The following ITPKB variants were observed in gnomAD, a reference collection of about 807,000 sequenced individuals.
ITPKB encodes the protein inositol-trisphosphate 3-kinase B.
Under a neutral mutation model 69.4 loss-of-function variants are expected in ITPKB, and 13 were observed. That is an observed-to-expected ratio of 0.19 (90% CI 0.12 to 0.30). The LOEUF (loss-of-function observed/expected upper bound fraction) is 0.30, where lower values mean the gene tolerates loss of function less well. Among genes scored for constraint, ITPKB ranks in the 10% least tolerant of loss-of-function variants. The probability of loss-of-function intolerance (pLI) is 1.00; values close to 1 mark genes in which losing one functional copy is unlikely to be tolerated. For synonymous variants in ITPKB, 584 were observed against 513.7 expected (o/e 1.14, Z -1.85); for missense variants, 1,240 against 1,250.5 (o/e 0.99, Z 0.13).
chr1:226,718,855 T>G (rs1657160205), intron 2 of ITPKB, among the ~76,000 whole-genome samples: 1 of 152,190 alleles, frequency 6.6e-6, no homozygotes, highest in Admixed American at 6.5e-5. Context: ...ACCCAGCAAC[T>G]GCACTCCTGA....
intron 2 of ITPKB, among the ~76,000 whole-genome samples, chr1:226,721,744 C>T (rs1657249113): frequency 6.6e-6 from 1 of 152,126 alleles, no homozygotes; most frequent in Non-Finnish European, 1.5e-5. Flanking sequence ...ATCCACCTGC[C>T]TCAGCCTCCC....
At chr1:226,684,748 G>A (rs1294056273) in intron 2 of ITPKB, among the ~76,000 whole-genome samples, 1 of 152,166 alleles carries the variant, frequency 6.6e-6, no homozygotes, top group African/African-American at 2.4e-5. Flanking sequence ...ACTCCAGAAG[G>A]TTAAGCAGTC....
At chr1:226,653,131 T>C (rs1009369161) in intron 2 of ITPKB, among the ~76,000 whole-genome samples, 4 of 152,204 alleles carry the variant, frequency 2.6e-5, no homozygotes. Flanking sequence ...CTTGTTCCTA[T>C]GTTCTAGTTA....
At position 226,647,296 on chromosome 1, in the gene ITPKB, T is replaced by A; in HGVS notation, c.2117A>T (p.Asp706Val). The change falls in exon 4 of 8, where the codon GAT becomes GTT. Residue 706 changes from aspartate to valine, a missense_variant. Asp to Val is a radical substitution (Grantham distance 152). This residue lies in a region of ITPKB where 248 missense variants were observed against 396.7 expected (regional missense o/e 0.63). Coordinates refer to ENST00000429204, the MANE Select transcript of ITPKB (RefSeq NM_002221.4). ...EQRCLDRLMV[D>V]VLRPFVPAYH... Reference sequence around the variant, plus strand: ...GGCAGGTACGAAGGGCCTCAGCACATCCACCATCAGCCGGTCCAGGCAGCG... The same window carrying A: ...GGCAGGTACGAAGGGCCTCAGCACAACCACCATCAGCCGGTCCAGGCAGCG... The A allele has an allele frequency of 6.2e-7, 1 of 1,614,188 alleles. No homozygotes were observed.
chr1:226,653,797 T>C (rs1669238124), intron 2 of ITPKB, among the ~76,000 whole-genome samples: 1 of 152,178 alleles, frequency 6.6e-6, no homozygotes, highest in Non-Finnish European at 1.5e-5. Context: ...GTCTTTCAGG[T>C]AACCCCCGGC....
chr1:226,632,582 C>G lies in ITPKB; in HGVS notation c.*2089G>C, dbSNP rs1668749465. 1 of 152,486 alleles carries G rather than the reference C, an allele frequency of 6.6e-6. No homozygotes were observed. The highest frequency in any genetic ancestry group is 2.1e-4 in the South Asian group (1 of 4,832). The allele number at this position is 152,486 out of a possible 1,614,324, so 9.4% of individuals were successfully genotyped here. On this transcript the variant is annotated 3_prime_UTR_variant, in exon 8 of 8. Coordinates refer to ENST00000429204, the MANE Select transcript of ITPKB (RefSeq NM_002221.4). ...AACCCTAAAATGATGCTACTTCATACTATGTTCACATATTTAATGTAACCC... is the reference window on the plus strand; with the variant it reads ...AACCCTAAAATGATGCTACTTCATAGTATGTTCACATATTTAATGTAACCC...
At chr1:226,650,075 G>T (rs1314525074) in intron 2 of ITPKB, among the ~76,000 whole-genome samples, 1 of 152,188 alleles carries the variant, frequency 6.6e-6, no homozygotes, top group African/African-American at 2.4e-5. Flanking sequence ...GGGTGGTACT[G>T]CCTGACAGGG....
intron 2 of ITPKB, among the ~76,000 whole-genome samples, chr1:226,696,697 C>G (rs1160318028): frequency 2.0e-5 from 3 of 152,188 alleles, no homozygotes; most frequent in Admixed American, 2.0e-4. Context: ...AATACGCACA[C>G]GCGCACACAC....
intron 2 of ITPKB, among the ~76,000 whole-genome samples, chr1:226,711,392 G>A (rs1367214527): frequency 6.7e-6 from 1 of 150,180 alleles, no homozygotes; most frequent in Non-Finnish European, 1.5e-5. Context: ...TCCAGCCCTA[G>A]AGGGTGTTTT....
At chr1:226,665,867 G>A (rs1348704719) in intron 2 of ITPKB, among the ~76,000 whole-genome samples, 1 of 152,198 alleles carries the variant, frequency 6.6e-6, no homozygotes, top group African/African-American at 2.4e-5. Flanking sequence ...AGACACTCAC[G>A]GAAGCACCTG....
rs561354602 is a variant in ITPKB, at chr1:226,726,687, T to C, written c.1932+8840A>G. 4.1e-5 allele frequency among the ~76,000 whole-genome samples: 6 copies of C among 145,630 alleles called. No individual in the cohort carries two copies. In the South Asian group the frequency reaches 1.3e-3, roughly 31 times the overall value. On this transcript the variant is annotated intron_variant, in intron 2 of 7. Transcript: ENST00000429204. ...TGAGACTCTGTCTCAAATTCATAAA[T>C]TTTTTTTTTTTGTAAAAGAAAAAGC... is the stretch of plus-strand genomic sequence containing the variant.
intron 2 of ITPKB, among the ~76,000 whole-genome samples, chr1:226,658,660 C>T (rs1312673220): frequency 6.6e-6 from 1 of 152,182 alleles, no homozygotes; most frequent in Non-Finnish European, 1.5e-5. Flanking sequence ...CTCCACCCGC[C>T]GTGTGATGTT....
intron 2 of ITPKB, among the ~76,000 whole-genome samples, chr1:226,692,791 C>T (rs1656388339): frequency 6.6e-6 from 1 of 152,170 alleles, no homozygotes; most frequent in African/African-American, 2.4e-5. Flanking sequence ...AATATAAATA[C>T]TCAGGTTTGA....
intron 7 of ITPKB, among the ~76,000 whole-genome samples, chr1:226,636,929 GTGAT>G (rs1429320054): frequency 3.9e-5 from 6 of 152,002 alleles, no homozygotes; most frequent in African/African-American, 1.4e-4. Flanking sequence ...GTGCATGCAT[GTGAT>G]TGATCTGCAT....
intron 2 of ITPKB, among the ~76,000 whole-genome samples, chr1:226,662,907 T>C (rs185676346): frequency 6.6e-6 from 1 of 152,170 alleles, no homozygotes; most frequent in African/African-American, 2.4e-5. Context: ...CAGTGGCCAA[T>C]GCGCAGCTCT....
At chr1:226,649,039 C>T (rs957407858) in intron 2 of ITPKB, among the ~76,000 whole-genome samples, 2 of 152,226 alleles carry the variant, frequency 1.3e-5, no homozygotes, top group Admixed American at 6.5e-5. Flanking sequence ...CTGGAGAGGA[C>T]ACAACCACCC....
chr1:226,680,786 A>G (rs576872859), intron 2 of ITPKB, among the ~76,000 whole-genome samples: 35 of 152,148 alleles, frequency 2.3e-4, no homozygotes, highest in Non-Finnish European at 4.1e-4. Flanking sequence ...AGGATTCATA[A>G]AGCCCTTTTG....
Position 226,635,809 on chromosome 1 carries a change from C to G in ITPKB, c.2626-923G>C, listed in dbSNP as rs189876985. 2.2e-3 allele frequency among the ~76,000 whole-genome samples: 335 copies of G among 152,388 alleles called. 2 individuals carry two copies. The highest frequency in any genetic ancestry group is 3.5e-3 in the Non-Finnish European group (237 of 68,038). On this transcript the variant is annotated intron_variant, in intron 7 of 7. Transcript: ENST00000429204. The stretch of plus-strand genomic sequence containing the variant: ...GTGGGCACCAAAGAGCCTGCCCCTC[C>G]TGGGTGAGCTCAGAGCCTCTGCATG...
Position 226,737,335 on chromosome 1 carries a change from G to A in ITPKB, c.124C>T (p.Leu42=), listed in dbSNP as rs1253554414. ...GGGCTGAAAACGCTGCCGGGGCTCAGCACTGCCCTCCTCGGGGGCGGGGGC... is the reference window on the plus strand; with the variant it reads ...GGGCTGAAAACGCTGCCGGGGCTCAACACTGCCCTCCTCGGGGGCGGGGGC... ...ETPPPPRRAV[L]SPGSVFSPGR... Residue 42 remains leucine (L), a synonymous_variant, in exon 2 of 8, where the codon CTG becomes TTG. Transcript: ENST00000429204. 4 of 1,600,608 alleles carry A rather than the reference G, an allele frequency of 2.5e-6. No homozygotes were observed. The highest frequency in any genetic ancestry group is 1.3e-5 in the African/African-American group (1 of 74,750).
Sources: gnomAD v4.1 joint callset for allele counts (sites outside exome capture counted in the v4.1 genomes callset) on GRCh38, gnomAD v4.1.1 for gene constraint, gnomAD v4.1.1 regional missense constraint, MANE v1.5 for transcripts, NCBI Gene and HGNC (gene_info 2026-07-23, HGNC 2026-07-21) for gene names.